PGAP4: variants seen among roughly 807,000 people sequenced by gnomAD.
The protein encoded by PGAP4 is post-GPI attachment to proteins GalNAc transferase 4, also known as GPI-N-acetylgalactosamine transferase PGAP4.
A neutral mutation model predicts 28.2 loss-of-function variants in PGAP4; 12 were observed. The ratio of observed to expected loss-of-function variants is 0.42; its 90% CI spans 0.27 to 0.69. PGAP4 has a LOEUF of 0.69. PGAP4 is among the 30% of genes least tolerant of loss of function. The pLI, the probability that PGAP4 is intolerant of heterozygous loss-of-function variation, is 0.22. For missense variants in PGAP4, 425 were observed against 513.5 expected (o/e 0.83, Z 1.67); for synonymous variants, 205 against 211.8 (o/e 0.97, Z 0.28).
upstream of PGAP4, among the ~76,000 whole-genome samples, chr9:101,488,045 T>C (rs4427226): frequency 0.12 from 18,948 of 152,138 alleles, 1,350 homozygotes; most frequent in African/African-American, 0.15. Flanking sequence ...GCTCATATGA[T>C]TTCTTCTTGT....
rs960904080 is a variant in PGAP4 at position 101,476,139 on chromosome 9, C to A, written c.954G>T (p.Arg318=). 28 of 1,614,094 alleles carry A rather than the reference C, an allele frequency of 1.7e-5. No homozygotes were observed. In the African/African-American group the frequency reaches 2.7e-4, roughly 15 times the overall value. Residue 318 remains arginine, a synonymous_variant, in exon 2 of 2, where the codon CGG becomes CGT. Coordinates refer to ENST00000374848, the MANE Select transcript of PGAP4 (RefSeq NM_032342.3). This position sits in a 1 kb window ranked among gnomAD's most constrained non-coding sequence, Gnocchi z 7.0. ...CCACACTGTACAGGGAAGGACTCAG[C>A]CGCCGCAGTTCCAGGAAATAGTGCC... is the stretch of plus-strand genomic sequence containing the variant. ...VGRHYFLELR[R]LSPSLYSVVP...
At chr9:101,491,570 T>C (rs1439000748), upstream of PGAP4, among the ~76,000 whole-genome samples, 2 of 152,052 alleles carry the variant, frequency 1.3e-5, no homozygotes, top group African/African-American at 4.8e-5. Flanking sequence ...ACAGGTCATA[T>C]TGACTACCTG....
intron 2 of PGAP4, among the ~76,000 whole-genome samples, chr9:101,512,139 G>C (rs1299908032): frequency 6.6e-6 from 1 of 152,090 alleles, no homozygotes; most frequent in Non-Finnish European, 1.5e-5. Context: ...AAAATATACA[G>C]GAAGCCATTG....
chr9:101,504,212 T>TG (rs1826829820), intron 2 of PGAP4, among the ~76,000 whole-genome samples: 2 of 89,438 alleles, frequency 2.2e-5, no homozygotes, highest in Non-Finnish European at 4.2e-5. Flanking sequence ...TGTGTTTGTT[T>TG]TTTTTTTTTT....
chr9:101,521,786 C>T (rs892357614), intron 2 of PGAP4, among the ~76,000 whole-genome samples: 1 of 151,952 alleles, frequency 6.6e-6, no homozygotes, highest in African/African-American at 2.4e-5. Context: ...TTTCTTAGTT[C>T]CTTGAGGTAT....
rs956546104 is a variant in PGAP4 at position 101,475,407 on chromosome 9, T to A, written c.*474A>T. On this transcript the variant is annotated 3_prime_UTR_variant, in exon 2 of 2. Transcript: ENST00000374848. ...AAACAAATGGAATCTATCCACATGG[T>A]CCTGCCTCGTTGGGCATATATTCTA... 6 of 172,344 alleles carry A rather than the reference T, an allele frequency of 3.5e-5. No homozygotes were observed. Among genetic ancestry groups the A allele is most frequent in the Admixed American group, 2.7e-4 (5 of 18,644 alleles). 10.7% of individuals were successfully genotyped at this position (172,344 alleles called of 1,614,324 possible).
At chr9:101,494,634 A>C (rs571922898) in intron 2 of PGAP4, among the ~76,000 whole-genome samples, 95 of 151,950 alleles carry the variant, frequency 6.3e-4, no homozygotes, top group Admixed American at 4.5e-3. Context: ...TTTAAAACTT[A>C]TCAGAAATCT....
intron 2 of PGAP4, among the ~76,000 whole-genome samples, chr9:101,494,370 G>C (rs1311298487): frequency 6.6e-6 from 1 of 151,694 alleles, no homozygotes; most frequent in Non-Finnish European, 1.5e-5. Context: ...TTTCATCTTT[G>C]TTTACAAAAG....
chr9:101,529,587 C>A (rs1185758664), intron 2 of PGAP4, among the ~76,000 whole-genome samples: 1 of 152,216 alleles, frequency 6.6e-6, no homozygotes, highest in African/African-American at 2.4e-5. Flanking sequence ...GCAGACCTGG[C>A]TCTAGCTCCC....
In PGAP4 at chr9:101,497,565, A is replaced by ATG. The variant is rs1004946433; in HGVS notation, c.-164-8367_-164-8366dup. On this transcript the variant is annotated intron_variant, in intron 2 of 3. Transcript: ENST00000374851. Reference sequence around the variant, plus strand: ...GACACCTTAATATATATAAACATATATGTGTGTGTGTGTATCTATCTATAT... The same window carrying ATG: ...GACACCTTAATATATATAAACATATATGTGTGTGTGTGTGTATCTATCTATAT... 2.1e-3 allele frequency among the ~76,000 whole-genome samples: 320 copies of ATG among 151,574 alleles called. 2 individuals carry two copies. The highest frequency in any genetic ancestry group is 6.1e-3 in the African/African-American group (254 of 41,490).
At chr9:101,524,537 C>A (rs1239977073) in intron 2 of PGAP4, among the ~76,000 whole-genome samples, 1 of 152,200 alleles carries the variant, frequency 6.6e-6, no homozygotes, top group Non-Finnish European at 1.5e-5. Flanking sequence ...CTAGAGATTT[C>A]TTTCTCCCTG....
At chr9:101,497,619 T>C (rs1284492072) in intron 2 of PGAP4, among the ~76,000 whole-genome samples, 4 of 151,764 alleles carry the variant, frequency 2.6e-5, no homozygotes, top group African/African-American at 9.6e-5. Context: ...GTCTGACCAG[T>C]AAACCCAGGC....
In PGAP4 at chr9:101,487,110, T is replaced by G. The variant is rs965561951; in HGVS notation, c.-239A>C. The G allele has an allele frequency of 6.6e-6, 1 of 152,330 alleles. No homozygotes were observed. The highest frequency in any genetic ancestry group is 1.5e-5 in the Non-Finnish European group (1 of 68,040). 9.4% of individuals were successfully genotyped at this position (152,330 alleles called of 1,614,324 possible). A position where few individuals can be genotyped will look rare whatever the true frequency, so the allele number is the denominator to read the frequency against. On this transcript the variant is annotated 5_prime_UTR_variant, in exon 1 of 2. Coordinates refer to ENST00000374848, the MANE Select transcript of PGAP4 (RefSeq NM_032342.3). Reference sequence around the variant, plus strand: ...CGCCGGAGCCTCACCTCCTCCCGCCTCGCAGCTCAGGCGCAGGGCTCCCCT... The same window carrying G: ...CGCCGGAGCCTCACCTCCTCCCGCCGCGCAGCTCAGGCGCAGGGCTCCCCT...
At chr9:101,500,663 C>A (rs958702261) in intron 2 of PGAP4, among the ~76,000 whole-genome samples, 1 of 151,512 alleles carries the variant, frequency 6.6e-6, no homozygotes, top group Non-Finnish European at 1.5e-5. Context: ...CATTGTGAGT[C>A]CTTTTGAAAA....
chr9:101,476,867 C>A lies in PGAP4; in HGVS notation c.226G>T (p.Ala76Ser). 2 of 1,610,742 alleles carry A rather than the reference C, an allele frequency of 1.2e-6. No individual in the cohort carries two copies. The highest frequency in any genetic ancestry group is 1.7e-6 in the Non-Finnish European group (2 of 1,178,366). Residue 76 changes from alanine to serine, a missense_variant, in exon 2 of 2, where the codon GCC becomes TCC. By Grantham distance (99) the Ala-to-Ser change is moderately conservative. Coordinates refer to ENST00000374848, the MANE Select transcript of PGAP4 (RefSeq NM_032342.3). The surrounding 1 kb of genome is among the most constrained non-coding windows in gnomAD (Gnocchi z 7.0). ...LQQSLKEGEA[A>S]LHYFEELPSA... ...GGAAGCTCCTCAAAATAGTGGAGGG[C>A]AGCCTCACCCTCTTTCAAGCTTTGC... is the stretch of plus-strand genomic sequence containing the variant.
intron 2 of PGAP4, among the ~76,000 whole-genome samples, chr9:101,496,542 T>C (rs1826750726): frequency 6.6e-6 from 1 of 151,488 alleles, no homozygotes; most frequent in African/African-American, 2.4e-5. Flanking sequence ...CAAAGCTTAA[T>C]CTTTAGAAAG....
At chr9:101,491,222 T>A (rs1247929444), upstream of PGAP4, among the ~76,000 whole-genome samples, 1 of 152,184 alleles carries the variant, frequency 6.6e-6, no homozygotes, top group Non-Finnish European at 1.5e-5. Context: ...TTAGCAGAAG[T>A]GCTGTGGCCT....
intron 1 of PGAP4, among the ~76,000 whole-genome samples, chr9:101,483,843 A>C (rs1169473400): frequency 1.3e-5 from 2 of 152,188 alleles, no homozygotes; most frequent in Non-Finnish European, 2.9e-5. Flanking sequence ...AAATTCTACC[A>C]AAGGGTAATT....
rs1227111141 is a variant in PGAP4, at chr9:101,475,138, G to A, written c.*743C>T. On this transcript the variant is annotated 3_prime_UTR_variant, in exon 2 of 2. Transcript: ENST00000374848. Reference sequence around the variant, plus strand: ...TTCTGAAATGTCCAATTTTCAAAGAGTCAGAGTAGTACAGAAATGTTCAAT... The same window carrying A: ...TTCTGAAATGTCCAATTTTCAAAGAATCAGAGTAGTACAGAAATGTTCAAT... 1 of 152,180 alleles carries A rather than the reference G, an allele frequency of 6.6e-6. No homozygotes were observed. The highest frequency in any genetic ancestry group is 1.9e-4 in the East Asian group (1 of 5,196). 9.4% of individuals were successfully genotyped at this position (152,180 alleles called of 1,614,324 possible). A position where few individuals can be genotyped will look rare whatever the true frequency, so the allele number is the denominator to read the frequency against.
Sources: gnomAD v4.1 joint callset for allele counts (sites outside exome capture counted in the v4.1 genomes callset) on GRCh38, gnomAD v4.1.1 for gene constraint, Gnocchi (gnomAD v3.1) non-coding constraint, MANE v1.5 for transcripts, NCBI Gene and HGNC (gene_info 2026-07-23, HGNC 2026-07-21) for gene names.